ZNF547: variants seen among roughly 807,000 people sequenced by gnomAD.
The protein encoded by ZNF547 is zinc finger protein 547.
In ZNF547, 4 loss-of-function variants were observed where a neutral mutation model predicts 7.7. The ratio of observed to expected loss-of-function variants is 0.52; its 90% CI spans 0.26 to 1.20. The LOEUF (loss-of-function observed/expected upper bound fraction) is 1.20, where lower values mean the gene tolerates loss of function less well. Among genes scored for constraint, ZNF547 ranks in the 50% most tolerant of loss-of-function variants. The pLI, the probability that ZNF547 is intolerant of heterozygous loss-of-function variation, is 0.14. For synonymous variants in ZNF547, 166 were observed against 166.2 expected (o/e 1.00, Z 0.01); for missense variants, 449 against 485.8 (o/e 0.92, Z 0.71).
At chr19:57,374,165 GACTTCTT>G (rs2088522577) in intron 3 of ZNF547, among the ~76,000 whole-genome samples, 1 of 152,204 alleles carries the variant, frequency 6.6e-6, no homozygotes, top group South Asian at 2.1e-4. Flanking sequence ...ATCAGTTCAT[GACTTCTT>G]TGCACCCACA....
intron 1 of ZNF547, chr19:57,363,908 T>A (rs2088442242): frequency 6.6e-6 from 1 of 152,304 alleles, no homozygotes; most frequent in Non-Finnish European, 1.5e-5. Flanking sequence ...TGCTGCCAAG[T>A]GGGCCGCGTC....
intron 3 of ZNF547, among the ~76,000 whole-genome samples, chr19:57,373,434 G>GCCCCCC (rs149477503): frequency 2.1e-5 from 3 of 146,234 alleles, no homozygotes; most frequent in African/African-American, 5.1e-5. Context: ...TTCCACCCCG[G>GCCCCCC]CCCCCCCCAC....
intron 3 of ZNF547, among the ~76,000 whole-genome samples, chr19:57,374,109 A>G (rs2088522265): frequency 6.6e-6 from 1 of 152,228 alleles, no homozygotes; most frequent in Admixed American, 6.5e-5. Context: ...GACATCAGGC[A>G]TTTCCATACC....
At chr19:57,363,767 C>T (rs934138229) in intron 1 of ZNF547, 64 bp downstream of exon 1, 7 of 151,632 alleles carry the variant, frequency 4.6e-5, no homozygotes, top group African/African-American at 1.7e-4. Flanking sequence ...TGCTGAAGCC[C>T]ATAGAAGGGG....
rs753423928 is a variant in ZNF547 at position 57,377,257 on chromosome 19, C to CA, written c.282dup (p.Leu95ThrfsTer10). The stretch of plus-strand genomic sequence containing the variant: ...ACCCAGCCCTGTGAGACATGTAGCT[C>CA]ACTTCTGAAGGACATTCTGCGTCTG... On this transcript the variant is annotated frameshift_variant, in exon 4 of 4. Transcript: ENST00000282282. LOFTEE classifies it low-confidence loss of function (END_TRUNC). The CA allele has an allele frequency of 2.5e-5, 40 of 1,614,110 alleles. No individual in the cohort carries two copies. Among genetic ancestry groups the CA allele is most frequent in the Non-Finnish European group, 3.3e-5 (39 of 1,180,064 alleles).
At chr19:57,370,216 G>A in intron 2 of ZNF547, among the ~76,000 whole-genome samples, 1 of 152,094 alleles carries the variant, frequency 6.6e-6, no homozygotes. Flanking sequence ...TTAACAGGAA[G>A]CATAACTCGG....
chr19:57,374,112 T>C (rs1238244838), intron 3 of ZNF547, among the ~76,000 whole-genome samples: 2 of 152,230 alleles, frequency 1.3e-5, no homozygotes, highest in African/African-American at 2.4e-5. Context: ...ATCAGGCATT[T>C]CCATACCTCC....
At chr19:57,375,079 A>T (rs1283427976) in intron 3 of ZNF547, among the ~76,000 whole-genome samples, 2 of 152,182 alleles carry the variant, frequency 1.3e-5, no homozygotes, top group African/African-American at 2.4e-5. Context: ...GGCTGGGCAC[A>T]GTGGCTCACT....
intron 1 of ZNF547, chr19:57,364,815 G>A (rs1243785654): frequency 1.3e-6 from 2 of 1,586,050 alleles, no homozygotes; most frequent in African/African-American, 1.3e-5. Context: ...CCCGCTGCAG[G>A]AGCCATATAT....
chr19:57,363,616 G>T lies in ZNF547; in HGVS notation c.-100G>T. 1 of 153,246 alleles carries T rather than the reference G, an allele frequency of 6.5e-6. No individual in the cohort carries two copies. The highest frequency in any genetic ancestry group is 1.8e-4 in the South Asian group (1 of 5,638). The allele number at this position is 153,246 out of a possible 1,614,324, so 9.5% of individuals were successfully genotyped here. On this transcript the variant is annotated 5_prime_UTR_variant, in exon 1 of 4. Transcript: ENST00000282282. The stretch of plus-strand genomic sequence containing the variant: ...GCAGAAGCTCAGCTGACAAGGACTG[G>T]GGACGGCGGTGTCCTTGTCTTGCCT...
At chr19:57,366,620 A>T (rs1248635555) in intron 1 of ZNF547, among the ~76,000 whole-genome samples, 2 of 139,632 alleles carry the variant, frequency 1.4e-5, no homozygotes, top group Admixed American at 7.9e-5. Context: ...CGCTTGGCTC[A>T]CTGCAACCTC....
At chr19:57,370,714 G>A (rs2088499334) in intron 2 of ZNF547, among the ~76,000 whole-genome samples, 1 of 152,188 alleles carries the variant, frequency 6.6e-6, no homozygotes, top group Non-Finnish European at 1.5e-5. Flanking sequence ...TGGCAGGAGA[G>A]GATGGATCCC....
intron 1 of ZNF547, chr19:57,368,256 T>C: frequency 2.8e-6 from 1 of 352,764 alleles, no homozygotes; most frequent in Non-Finnish European, 5.1e-6. Context: ...CAGTAATAGC[T>C]GATATATATG....
In ZNF547 at chr19:57,363,580, A is replaced by C. The variant is rs973612424; in HGVS notation, c.-136A>C. ...GCAGAGGCGGTAGTGACACAGGCAC[A>C]ACTGACAGTGGCAGAAGCTCAGCTG... On this transcript the variant is annotated 5_prime_UTR_variant, in exon 1 of 4. Coordinates refer to ENST00000282282, the MANE Select transcript of ZNF547 (RefSeq NM_173631.4). 5 of 152,854 alleles carry C rather than the reference A, an allele frequency of 3.3e-5. No individual in the cohort carries two copies. Among genetic ancestry groups the C allele is most frequent in the African/African-American group, 9.6e-5 (4 of 41,470 alleles). 9.5% of individuals were successfully genotyped at this position (152,854 alleles called of 1,614,324 possible).
intron 3 of ZNF547, among the ~76,000 whole-genome samples, chr19:57,376,027 G>T (rs1027982841): frequency 1.3e-5 from 2 of 152,164 alleles, no homozygotes; most frequent in African/African-American, 2.4e-5. Flanking sequence ...GCCAGGCGTG[G>T]TGGCACGTGC....
In ZNF547 at chr19:57,377,716, A is replaced by T; in HGVS notation, c.740A>T (p.Lys247Ile). 6.2e-7 allele frequency: 1 copy of T among 1,614,144 alleles called. No homozygotes were observed. The highest frequency in any genetic ancestry group is 8.5e-7 in the Non-Finnish European group (1 of 1,180,020). ...ERPYECSECG[K>I]LFMWSSTLIT... ...CCTTATGAGTGCAGTGAATGTGGGA[A>T]ATTGTTTATGTGGAGTTCCACACTC... The change falls in exon 4 of 4, where the codon AAA (lysine) becomes ATA (isoleucine). Residue 247 changes from lysine to isoleucine, a missense_variant. Physicochemically the swap from Lys to Ile is moderately radical, Grantham distance 102. Coordinates refer to ENST00000282282, the MANE Select transcript of ZNF547 (RefSeq NM_173631.4).
intron 2 of ZNF547, among the ~76,000 whole-genome samples, chr19:57,369,566 G>T (rs866949311): frequency 2.6e-5 from 4 of 152,020 alleles, no homozygotes; most frequent in Non-Finnish European, 5.9e-5. Flanking sequence ...AGTGCTGTTC[G>T]AAGACAGAGA....
rs769036646 is a variant in ZNF547, at chr19:57,378,093, G to C, written c.1117G>C (p.Val373Leu). Residue 373 changes from valine to leucine, a missense_variant, in exon 4 of 4, where the codon GTT (valine) becomes CTT (leucine). By Grantham distance (32) the Val-to-Leu change is conservative. Coordinates refer to ENST00000282282, the MANE Select transcript of ZNF547 (RefSeq NM_173631.4). ...GTCCCACCTCATTTGTCATCAGACA[G>C]TTCACACTGCAGCAAAGCAGTGCAG... is the stretch of plus-strand genomic sequence containing the variant. ...TKSHLICHQT[V>L]HTAAKQCSEC... is the part of the protein sequence containing the mutation. 6.2e-7 allele frequency: 1 copy of C among 1,614,012 alleles called. No individual in the cohort carries two copies. The highest frequency in any genetic ancestry group is 1.7e-4 in the Middle Eastern group (1 of 6,058).
At chr19:57,366,158 T>C (rs1220116493) in intron 1 of ZNF547, among the ~76,000 whole-genome samples, 3 of 151,446 alleles carry the variant, frequency 2.0e-5, no homozygotes, top group Non-Finnish European at 1.5e-5. Flanking sequence ...CCACTGCGCC[T>C]GGCCATGAAA....
Sources: allele counts gnomAD v4.1 joint callset (sites outside exome capture counted in the v4.1 genomes callset), GRCh38; gene constraint gnomAD v4.1.1; transcripts MANE v1.5; gene names NCBI Gene and HGNC (gene_info 2026-07-23, HGNC 2026-07-21).